The following ULK4 variants were observed in gnomAD, a reference collection of about 807,000 sequenced individuals.
ULK4 encodes inactive serine/threonine-protein kinase ULK4.
Under a neutral mutation model 160.6 loss-of-function variants are expected in ULK4, and 133 were observed. The observed-to-expected ratio is 0.83, with a 90% CI of 0.72 to 0.96. The LOEUF (loss-of-function observed/expected upper bound fraction) is 0.96. Among genes scored for constraint, ULK4 ranks in the 40% least tolerant of loss-of-function variants. The pLI, the probability that ULK4 is intolerant of heterozygous loss-of-function variation, is 0.00. For missense variants in ULK4, 1,580 were observed against 1,499.5 expected (o/e 1.05, Z -0.89); for synonymous variants, 534 against 539.8 (o/e 0.99, Z 0.15).
chr3:41,868,735 G>A (rs1696988836), intron 17 of ULK4, among the ~76,000 whole-genome samples: 1 of 152,004 alleles, frequency 6.6e-6, no homozygotes, highest in African/African-American at 2.4e-5. Flanking sequence ...GACCTCAAGT[G>A]ATCCACTCGC....
chr3:41,382,400 A>C (rs2081677241), intron 35 of ULK4, among the ~76,000 whole-genome samples: 1 of 152,208 alleles, frequency 6.6e-6, no homozygotes, highest in Non-Finnish European at 1.5e-5. Flanking sequence ...CATTAGAATG[A>C]CTTCATAATA....
At chr3:41,907,807 C>A in intron 12 of ULK4, 38 bp downstream of exon 12, 1 of 1,353,220 alleles carries the variant, frequency 7.4e-7, no homozygotes, top group Non-Finnish European at 1.0e-6. Context: ...TGAGCTTCTA[C>A]ATCTTATGTA....
chr3:41,360,917 T>TA (rs2125772142), intron 35 of ULK4, among the ~76,000 whole-genome samples: 2 of 140,028 alleles, frequency 1.4e-5, no homozygotes, highest in African/African-American at 5.4e-5. Flanking sequence ...CATGTACCCC[T>TA]GAACTTGAAA....
intron 35 of ULK4, among the ~76,000 whole-genome samples, chr3:41,378,308 G>A (rs2081558935): frequency 6.6e-6 from 1 of 151,086 alleles, no homozygotes; most frequent in African/African-American, 2.4e-5. Flanking sequence ...ACACCAGCAT[G>A]GCACATGTAT....
chr3:41,915,673 C>T (rs1716974), intron 8 of ULK4, among the ~76,000 whole-genome samples: 140,340 of 152,188 alleles, frequency 0.92, 65,702 homozygotes, highest in East Asian at 1. Flanking sequence ...GAAATGGTAC[C>T]TCTTGGATTT....
At chr3:41,529,762 G>A (rs62256860) in intron 32 of ULK4, among the ~76,000 whole-genome samples, 2,848 of 152,260 alleles carry the variant, frequency 0.019, 48 homozygotes, top group Middle Eastern at 0.037. Context: ...CAAAGTGCTG[G>A]GACTAGAGGC....
chr3:41,721,375 T>A (rs1261115068), intron 22 of ULK4, among the ~76,000 whole-genome samples: 10 of 128,852 alleles, frequency 7.8e-5, no homozygotes, highest in African/African-American at 2.7e-4. Context: ...TTTTTTTTTT[T>A]TTTTTTGAAA....
chr3:41,661,687 C>A (rs2035172862), intron 30 of ULK4, among the ~76,000 whole-genome samples: 10 of 152,154 alleles, frequency 6.6e-5, no homozygotes, highest in Admixed American at 6.5e-4. Context: ...CCAAGGAGAT[C>A]TCTCGATTTT....
chr3:41,912,400 G>A (rs1456774233), intron 9 of ULK4, among the ~76,000 whole-genome samples: 1 of 150,284 alleles, frequency 6.7e-6, no homozygotes. Flanking sequence ...ACCTCATCAT[G>A]TAGTAAATTA....
intron 32 of ULK4, among the ~76,000 whole-genome samples, chr3:41,491,646 T>C (rs2084768856): frequency 6.6e-6 from 1 of 152,174 alleles, no homozygotes; most frequent in South Asian, 2.1e-4. Flanking sequence ...GGCCCAATGA[T>C]TTAATAATCA....
At chr3:41,267,216 A>G (rs1476947826) in intron 35 of ULK4, among the ~76,000 whole-genome samples, 1 of 151,840 alleles carries the variant, frequency 6.6e-6, no homozygotes, top group Admixed American at 6.6e-5. Context: ...CTCTGTGTCC[A>G]TGTATTCTCA....
intron 30 of ULK4, among the ~76,000 whole-genome samples, chr3:41,616,653 G>C (rs925990621): frequency 6.6e-6 from 1 of 152,124 alleles, no homozygotes; most frequent in Admixed American, 6.5e-5. Flanking sequence ...AGATTCCCTC[G>C]TGTGCCTATG....
At chr3:41,534,776 A>G (rs2086439893) in intron 32 of ULK4, among the ~76,000 whole-genome samples, 1 of 152,224 alleles carries the variant, frequency 6.6e-6, no homozygotes, top group Non-Finnish European at 1.5e-5. Flanking sequence ...TTTATCACTT[A>G]GAACTACACC....
rs780752749 is a variant in ULK4 at position 41,618,911 on chromosome 3, A to C, written c.3072-3194T>G. On this transcript the variant is annotated intron_variant, in intron 30 of 36. Transcript: ENST00000301831. ...CATGCAAAGACAAACATGGCCTCAAAATAAAGGGATGGAGGAATATTTACC... is the reference window on the plus strand; with the variant it reads ...CATGCAAAGACAAACATGGCCTCAACATAAAGGGATGGAGGAATATTTACC... 7.2e-5 allele frequency among the ~76,000 whole-genome samples: 11 copies of C among 152,274 alleles called. No individual in the cohort carries two copies. In the South Asian group the frequency reaches 1.2e-3, roughly 17 times the overall value.
At chr3:41,405,731 G>A (rs1435114989) in intron 34 of ULK4, among the ~76,000 whole-genome samples, 1 of 152,052 alleles carries the variant, frequency 6.6e-6, no homozygotes, top group Non-Finnish European at 1.5e-5. Flanking sequence ...ATTATGTGGA[G>A]CACTTTTTCA....
chr3:41,288,738 T>A (rs550380172), intron 35 of ULK4, among the ~76,000 whole-genome samples: 1 of 152,336 alleles, frequency 6.6e-6, no homozygotes, highest in East Asian at 1.9e-4. Flanking sequence ...TAAGAATACT[T>A]TGAGGGACCT....
chr3:41,743,977 T>C (rs1032420230), intron 22 of ULK4, among the ~76,000 whole-genome samples: 2 of 151,860 alleles, frequency 1.3e-5, no homozygotes, highest in African/African-American at 4.9e-5. Context: ...GTAAACTAGG[T>C]GTTTACTCTT....
intron 21 of ULK4, among the ~76,000 whole-genome samples, chr3:41,769,343 TGAG>T (rs1443282744): frequency 1.3e-5 from 2 of 152,074 alleles, no homozygotes; most frequent in Non-Finnish European, 2.9e-5. Flanking sequence ...TCACAACACT[TGAG>T]GAGAGAAGAT....
chr3:41,333,200 C>G (rs1002498175), intron 35 of ULK4, among the ~76,000 whole-genome samples: 2 of 152,186 alleles, frequency 1.3e-5, no homozygotes, highest in Non-Finnish European at 2.9e-5. Context: ...GTGGCCTAGA[C>G]AGTTTCAAAA....
Sources: allele counts gnomAD v4.1 joint callset (sites outside exome capture counted in the v4.1 genomes callset), GRCh38; gene constraint gnomAD v4.1.1; transcripts MANE v1.5; gene names NCBI Gene and HGNC (gene_info 2026-07-23, HGNC 2026-07-21).